Variants in MAP3K15 observed in about 807,000 individuals in gnomAD.
MAP3K15 encodes MAPK/ERK kinase kinase 15.
In MAP3K15, 124 loss-of-function variants were observed where a neutral mutation model predicts 99.5. The ratio of observed to expected loss-of-function variants is 1.25; its 90% confidence interval spans 1.08 to 1.45. The LOEUF (loss-of-function observed/expected upper bound fraction) is 1.45. Among genes scored for constraint, MAP3K15 ranks in the 40% most tolerant of loss-of-function variants. The probability of loss-of-function intolerance (pLI) is 0.00; values close to 1 mark genes in which losing one functional copy is unlikely to be tolerated. For synonymous variants in MAP3K15, 494 were observed against 439.6 expected, an observed-to-expected ratio of 1.12 and a Z score of -1.55; for missense variants, 1,242 against 1,079.7, an observed-to-expected ratio of 1.15 and a Z score of -2.11.
chrX:19,426,850 A>T (rs2063836301), intron 7 of MAP3K15, among the ~76,000 whole-genome samples: 1 of 107,730 alleles, frequency 9.3e-6, no homozygotes. Context: ...AAAAGTCATA[A>T]TAGCAACACA....
intron 7 of MAP3K15, among the ~76,000 whole-genome samples, chrX:19,428,048 C>T (rs1342069701): frequency 9.0e-6 from 1 of 111,522 alleles, no homozygotes; most frequent in Non-Finnish European, 1.9e-5. Flanking sequence ...AGAAGTCAAG[C>T]AGGCCCAACT....
At chrX:19,417,875 G>A (rs964177518) in intron 9 of MAP3K15, among the ~76,000 whole-genome samples, 1 of 111,875 alleles carries the variant, frequency 8.9e-6, no homozygotes, top group Non-Finnish European at 1.9e-5. Flanking sequence ...AACAACATCT[G>A]CTGTTCACCA....
chrX:19,495,975 G>C (rs1351288876), intron 1 of MAP3K15, among the ~76,000 whole-genome samples: 3 of 110,538 alleles, frequency 2.7e-5, no homozygotes, highest in Non-Finnish European at 5.7e-5. Context: ...AAAAATACAT[G>C]GGTATTGATA....
chrX:19,381,122 T>C (rs1432014831), intron 18 of MAP3K15, among the ~76,000 whole-genome samples: 2 of 111,720 alleles, frequency 1.8e-5, no homozygotes, highest in African/African-American at 3.3e-5. Flanking sequence ...AGGGTTTGAC[T>C]CTCTGCCTGG....
At chrX:19,462,195 G>A (rs2064137866) in intron 4 of MAP3K15, among the ~76,000 whole-genome samples, 1 of 111,883 alleles carries the variant, frequency 8.9e-6, no homozygotes. Flanking sequence ...ACAAAACAAT[G>A]CCAAATATGT....
At position 19,373,584 on chromosome X, in the gene MAP3K15, A is replaced by G. The variant is rs1192810896; in HGVS notation, c.2885T>C (p.Leu962Pro). ...CCTGGGCGCCCGGGTCCTCTCAAAG[A>G]GTGCGTCAGGCTGGGCGTCGGAGTC... Reference protein sequence around the residue: ...SPDSDAQPDALFERTRAPRHH... With the variant: ...SPDSDAQPDAPFERTRAPRHH... Residue 962 changes from leucine (L) to proline (P), a missense_variant, in exon 21 of 29, where the codon CTC (leucine) becomes CCC (proline). By Grantham distance (98) the Leu-to-Pro change is moderately conservative. Transcript: ENST00000338883. The G allele has an allele frequency of 8.5e-7, 1 of 1,180,419 alleles. No individual in the cohort carries two copies.
At chrX:19,444,848 T>C (rs2063984113) in intron 6 of MAP3K15, among the ~76,000 whole-genome samples, 1 of 111,251 alleles carries the variant, frequency 9.0e-6, no homozygotes, top group Non-Finnish European at 1.9e-5. Context: ...CACAATGGCC[T>C]GATAGCATCC....
At chrX:19,487,047 GACA>G (rs2064331753) in intron 2 of MAP3K15, among the ~76,000 whole-genome samples, 1 of 99,797 alleles carries the variant, frequency 1.0e-5, no homozygotes, top group Admixed American at 1.2e-4. Flanking sequence ...CAAATTCAAT[GACA>G]ACAATTCTAG....
At chrX:19,420,554 C>A (rs923619908) in intron 9 of MAP3K15, among the ~76,000 whole-genome samples, 5 of 111,297 alleles carry the variant, frequency 4.5e-5, no homozygotes, top group African/African-American at 1.6e-4. Flanking sequence ...GCTTACCAAC[C>A]AAAAAAAGTC....
intron 25 of MAP3K15, among the ~76,000 whole-genome samples, chrX:19,364,617 T>G (rs1025827868): frequency 9.9e-5 from 11 of 111,459 alleles, no homozygotes; most frequent in Non-Finnish European, 1.1e-4. Context: ...AAAGAAATTC[T>G]TGGCCGGGTG....
intron 6 of MAP3K15, among the ~76,000 whole-genome samples, chrX:19,435,226 T>C (rs1415993606): frequency 9.2e-6 from 1 of 109,011 alleles, no homozygotes; most frequent in Non-Finnish European, 1.9e-5. Context: ...TAAACTCACT[T>C]GAATGCTTTT....
chrX:19,473,178 A>C (rs2064219084), intron 3 of MAP3K15, among the ~76,000 whole-genome samples: 1 of 112,487 alleles, frequency 8.9e-6, no homozygotes, highest in Admixed American at 9.5e-5. Context: ...GACTTTGGGA[A>C]GGTAAAAATA....
In MAP3K15 at chrX:19,436,165, AAAAG is replaced by A. The variant is rs1555955769; in HGVS notation, c.996-4561_996-4558del. ...GGGAAACGCCATGTCAAAAAAAAAA[AAAAG>A]AAAGAAAGAAAAAAAAAATTCAATC... On this transcript the variant is annotated intron_variant, in intron 6 of 28. Transcript: ENST00000338883. Among the ~76,000 whole-genome samples, 20 of 106,091 alleles carry A rather than the reference AAAAG, an allele frequency of 1.9e-4. 1 individual carries two copies. Among genetic ancestry groups the A allele is most frequent in the African/African-American group, 5.9e-4 (16 of 27,098 alleles). 92.1% of individuals were successfully genotyped at this position (106,091 alleles called of 115,157 possible). A position where few individuals can be genotyped will look rare whatever the true frequency, so the allele number is the denominator to read the frequency against.
chrX:19,373,820 G>A (rs1336124409), intron 20 of MAP3K15, 125 bp from the exon 21 acceptor site: 3 of 736,918 alleles, frequency 4.1e-6, no homozygotes, highest in South Asian at 2.8e-5. Context: ...AGAAATGTGG[G>A]TTGGGCGGGG....
At chrX:19,452,581 C>T (rs1031481650) in intron 6 of MAP3K15, among the ~76,000 whole-genome samples, 3 of 111,760 alleles carry the variant, frequency 2.7e-5, no homozygotes, top group Admixed American at 9.5e-5. Flanking sequence ...CAAGAGGTAA[C>T]CTAAATGTCC....
chrX:19,431,618 A>G lies in MAP3K15; in HGVS notation c.996-10T>C, dbSNP rs1273846234. On this transcript the variant is annotated splice_polypyrimidine_tract_variant and intron_variant, in intron 6 of 28. Coordinates refer to ENST00000338883, the MANE Select transcript of MAP3K15 (RefSeq NM_001001671.4). ...ACCTGTGCTGTTTCTCCTGAAAGAT[A>G]GATGTTATAAGGTCACAAATGAATC... The G allele has an allele frequency of 5.9e-6, 7 of 1,185,887 alleles. No homozygotes were observed. Among genetic ancestry groups the G allele is most frequent in the African/African-American group, 1.8e-5 (1 of 57,033 alleles).
At chrX:19,388,826 A>T (rs2063508624) in intron 18 of MAP3K15, among the ~76,000 whole-genome samples, 1 of 111,843 alleles carries the variant, frequency 8.9e-6, no homozygotes, top group South Asian at 3.7e-4. Context: ...ATGTTCACAC[A>T]CGCTTTGTAT....
Position 19,360,274 on chromosome X carries a change from C to T in MAP3K15, c.*475G>A, listed in dbSNP as rs537446476. ...TTTTGTGTTTCTCAAATTGAAGTAC[C>T]ATACCAGTTCTGAGGCAGTGTCCCA... On this transcript the variant is annotated 3_prime_UTR_variant, in exon 29 of 29. Coordinates refer to ENST00000338883, the MANE Select transcript of MAP3K15 (RefSeq NM_001001671.4). 4.3e-5 allele frequency: 6 copies of T among 138,068 alleles called. No homozygotes were observed. The highest frequency in any genetic ancestry group is 3.4e-3 in the Middle Eastern group (1 of 298). The allele number at this position is 138,068 out of a possible 1,213,427, so 11.4% of individuals were successfully genotyped here.
chrX:19,441,557 G>A (rs192017543), intron 6 of MAP3K15, among the ~76,000 whole-genome samples: 33 of 111,656 alleles, frequency 3.0e-4, no homozygotes, highest in African/African-American at 1.0e-3. Context: ...TGCATCCTCC[G>A]ACTCCAGGGC....
Sources: gnomAD v4.1 joint callset for allele counts (sites outside exome capture counted in the v4.1 genomes callset) on GRCh38, gnomAD v4.1.1 for gene constraint, MANE v1.5 for transcripts, NCBI Gene and HGNC (gene_info 2026-07-23, HGNC 2026-07-21) for gene names.